Variants in LRRC4C observed in about 807,000 individuals in gnomAD.
The protein encoded by LRRC4C is leucine rich repeat containing 4C.
LRRC4C carries 5 observed loss-of-function variants against 33.6 expected under a neutral mutation model. That is an observed-to-expected ratio of 0.15 (90% CI 0.08 to 0.31). The LOEUF is 0.31. LRRC4C is among the 10% of genes least tolerant of loss of function. The pLI, the probability that LRRC4C is intolerant of heterozygous loss-of-function variation, is 1.00. For synonymous variants in LRRC4C, 329 were observed against 302.0 expected (o/e 1.09, Z -0.93); for missense variants, 560 against 796.7 (o/e 0.70, Z 3.58).
chr11:40,302,534 CT>C (rs910863022), intron 4 of LRRC4C, among the ~76,000 whole-genome samples: 5 of 151,202 alleles, frequency 3.3e-5, no homozygotes, highest in Admixed American at 6.6e-5. Context: ...TCTTTTCTGT[CT>C]TTTTTTTTAT....
chr11:40,988,792 C>T (rs1853283473), intron 1 of LRRC4C, among the ~76,000 whole-genome samples: 4 of 148,798 alleles, frequency 2.7e-5, no homozygotes, highest in Admixed American at 2.0e-4. Context: ...TCTCGGCCCA[C>T]TGCAAGCTCC....
chr11:40,235,507 T>C (rs1388314492), intron 5 of LRRC4C, among the ~76,000 whole-genome samples: 2 of 152,056 alleles, frequency 1.3e-5, no homozygotes, highest in Non-Finnish European at 1.5e-5. Flanking sequence ...TCGATGGGAG[T>C]TGAGAATCAA....
intron 2 of LRRC4C, among the ~76,000 whole-genome samples, chr11:40,651,650 C>A (rs1942812088): frequency 6.6e-6 from 1 of 152,096 alleles, no homozygotes; most frequent in South Asian, 2.1e-4. Context: ...TTTAGCACAC[C>A]CTTCTGCTTA....
intron 3 of LRRC4C, among the ~76,000 whole-genome samples, chr11:40,363,889 G>T (rs900724553): frequency 6.6e-6 from 1 of 152,046 alleles, no homozygotes; most frequent in Non-Finnish European, 1.5e-5. Context: ...TTCTCTAATC[G>T]CATGCGCCTA....
intron 3 of LRRC4C, among the ~76,000 whole-genome samples, chr11:40,612,445 AAG>A (rs1393645304): frequency 2.0e-5 from 3 of 151,860 alleles, no homozygotes; most frequent in Non-Finnish European, 2.9e-5. Flanking sequence ...AGCAAAATGA[AAG>A]AGTTCTAAAG....
At chr11:40,283,765 C>T (rs1015468997) in intron 4 of LRRC4C, among the ~76,000 whole-genome samples, 37 of 121,644 alleles carry the variant, frequency 3.0e-4, no homozygotes, top group Admixed American at 1.7e-3. Context: ...AGTGCAATGG[C>T]GTGATTTCGG....
At chr11:41,116,792 C>T (rs956996268) in intron 1 of LRRC4C, among the ~76,000 whole-genome samples, 3 of 152,104 alleles carry the variant, frequency 2.0e-5, no homozygotes, top group Non-Finnish European at 4.4e-5. Flanking sequence ...AAGTTATTGA[C>T]ATTATTCAGC....
At chr11:40,441,901 G>C (rs1208930345) in intron 3 of LRRC4C, among the ~76,000 whole-genome samples, 1 of 152,104 alleles carries the variant, frequency 6.6e-6, no homozygotes, top group Non-Finnish European at 1.5e-5. Flanking sequence ...CGTGGCTCAC[G>C]CCTGTAATCC....
chr11:40,339,411 C>A (rs1274190923), intron 3 of LRRC4C, among the ~76,000 whole-genome samples: 2 of 152,020 alleles, frequency 1.3e-5, no homozygotes, highest in Non-Finnish European at 2.9e-5. Flanking sequence ...CTCAAATGGG[C>A]AAAAAAATCA....
chr11:40,387,973 A>G (rs1196980824), intron 3 of LRRC4C, among the ~76,000 whole-genome samples: 1 of 152,150 alleles, frequency 6.6e-6, no homozygotes, highest in Admixed American at 6.6e-5. Context: ...TGCTCATTAC[A>G]GTATGATTGA....
At chr11:40,590,806 G>A (rs573091702) in intron 3 of LRRC4C, among the ~76,000 whole-genome samples, 23 of 152,364 alleles carry the variant, frequency 1.5e-4, no homozygotes, top group African/African-American at 5.0e-4. Context: ...CAGGGGTCAG[G>A]GACCCACTTG....
At chr11:41,078,226 A>C (rs1018589746) in intron 1 of LRRC4C, among the ~76,000 whole-genome samples, 10 of 152,316 alleles carry the variant, frequency 6.6e-5, no homozygotes, top group African/African-American at 1.7e-4. Context: ...GTCTCTAGAA[A>C]GTTCTAAACT....
chr11:40,502,794 C>G (rs1954842717), intron 3 of LRRC4C, among the ~76,000 whole-genome samples: 1 of 152,068 alleles, frequency 6.6e-6, no homozygotes, highest in Admixed American at 6.6e-5. Context: ...TTGATCACGA[C>G]TTGGTTTATT....
chr11:40,590,767 G>A (rs1959009330), intron 3 of LRRC4C, among the ~76,000 whole-genome samples: 1 of 152,186 alleles, frequency 6.6e-6, no homozygotes, highest in African/African-American at 2.4e-5. Context: ...CCTGCTGGGG[G>A]GTGCCTCCCA....
chr11:40,924,352 C>G (rs949547857), intron 2 of LRRC4C, among the ~76,000 whole-genome samples: 1 of 151,894 alleles, frequency 6.6e-6, no homozygotes, highest in Non-Finnish European at 1.5e-5. Flanking sequence ...CTTACATGCT[C>G]ATTATTCAGC....
intron 2 of LRRC4C, among the ~76,000 whole-genome samples, chr11:40,674,280 G>T (rs2136290274): frequency 6.6e-6 from 1 of 152,326 alleles, no homozygotes; most frequent in Middle Eastern, 3.4e-3. Context: ...GAGCACTGGG[G>T]TTGGCATTTG....
intron 3 of LRRC4C, among the ~76,000 whole-genome samples, chr11:40,386,285 C>T (rs1949107660): frequency 6.6e-6 from 1 of 152,088 alleles, no homozygotes; most frequent in Non-Finnish European, 1.5e-5. Flanking sequence ...AAGATTCTAG[C>T]TGTATTGAGG....
chr11:40,203,919 CTTATT>C (rs1030235987), intron 5 of LRRC4C, among the ~76,000 whole-genome samples: 6 of 152,050 alleles, frequency 3.9e-5, no homozygotes, highest in East Asian at 1.9e-4. Flanking sequence ...GATATTTTAT[CTTATT>C]TTATTTACTG....
chr11:40,988,547 C>T (rs1237105558), intron 1 of LRRC4C, among the ~76,000 whole-genome samples: 3 of 151,968 alleles, frequency 2.0e-5, no homozygotes, highest in East Asian at 1.9e-4. Flanking sequence ...GGTATGACTA[C>T]GCTGAGCCTA....
Sources: allele counts gnomAD v4.1 joint callset (sites outside exome capture counted in the v4.1 genomes callset), GRCh38; gene constraint gnomAD v4.1.1; transcripts MANE v1.5; gene names NCBI Gene and HGNC (gene_info 2026-07-23, HGNC 2026-07-21).